NTM: variants seen among roughly 807,000 people sequenced by gnomAD.
NTM encodes the protein IgLON family member 2.
A neutral mutation model predicts 42.1 loss-of-function variants in NTM; 13 were observed. The observed-to-expected ratio is 0.31, with a 90% CI of 0.20 to 0.49. The LOEUF (loss-of-function observed/expected upper bound fraction) is 0.49. NTM is among the 20% of genes least tolerant of loss of function. NTM has a pLI of 0.99. For synonymous variants in NTM, 187 were observed against 179.2 expected, an observed-to-expected ratio of 1.04 and a Z score of -0.35; for missense variants, 373 against 452.8, an observed-to-expected ratio of 0.82 and a Z score of 1.60.
Position 131,710,084 on chromosome 11 carries a change from T to C in NTM, c.83-201480T>C, listed in dbSNP as rs373987435. The stretch of plus-strand genomic sequence containing the variant: ...CTTGACAAGAACAATGTGAGTGCAC[T>C]GGTGGGGTCAAAGAGGGGGTGGAGC... On this transcript the variant is annotated intron_variant, in intron 1 of 8. Transcript: ENST00000683400. Among the ~76,000 whole-genome samples the C allele has an allele frequency of 1.2e-4, 19 of 152,248 alleles. No individual in the cohort carries two copies. In the East Asian group the frequency reaches 2.5e-3, roughly 20 times the overall value.
chr11:131,976,510 G>T (rs1373591761), intron 2 of NTM, among the ~76,000 whole-genome samples: 1 of 151,914 alleles, frequency 6.6e-6, no homozygotes, highest in Non-Finnish European at 1.5e-5. Flanking sequence ...CCTTCCTTTT[G>T]TCTTTTTTAA....
chr11:132,134,598 T>C, intron 2 of NTM, among the ~76,000 whole-genome samples: 1 of 149,912 alleles, frequency 6.7e-6, no homozygotes, highest in Admixed American at 6.7e-5. Context: ...TGACATTTGG[T>C]TTTTCATTCC....
At chr11:131,812,509 T>C (rs1424655100) in intron 1 of NTM, among the ~76,000 whole-genome samples, 1 of 151,752 alleles carries the variant, frequency 6.6e-6, no homozygotes, top group African/African-American at 2.4e-5. Context: ...CTTTTTCCTT[T>C]CCTCCTCCAT....
chr11:132,296,935 G>C (rs1337176253), intron 4 of NTM, among the ~76,000 whole-genome samples: 1 of 152,190 alleles, frequency 6.6e-6, no homozygotes, highest in East Asian at 1.9e-4. Context: ...AATAGATTTT[G>C]AGAAATGTTT....
Position 131,834,096 on chromosome 11 carries a change from G to A in NTM, c.83-77468G>A, listed in dbSNP as rs116736638. Among the ~76,000 whole-genome samples the A allele has an allele frequency of 7.8e-3, 1,188 of 152,074 alleles. 17 individuals carry two copies. Among genetic ancestry groups the A allele is most frequent in the African/African-American group, 0.027 (1,106 of 41,474 alleles). On this transcript the variant is annotated intron_variant, in intron 1 of 8. Transcript: ENST00000683400. ...TCTTTATCCTGATATCTTCTCTTTC[G>A]TTTGTTCATTGGTTTCTGTTCATTT...
At chr11:131,740,783 G>T (rs1336157025) in intron 1 of NTM, among the ~76,000 whole-genome samples, 1 of 152,194 alleles carries the variant, frequency 6.6e-6, no homozygotes, top group African/African-American at 2.4e-5. Context: ...CCTGAATGTG[G>T]CAGCTGGAAC....
At chr11:131,644,897 C>A (rs1045510856) in intron 1 of NTM, among the ~76,000 whole-genome samples, 9 of 152,000 alleles carry the variant, frequency 5.9e-5, no homozygotes, top group Non-Finnish European at 1.2e-4. Flanking sequence ...GGAATTAGAA[C>A]CTCTTCATTT....
At chr11:132,175,252 G>A (rs2076634671) in intron 3 of NTM, among the ~76,000 whole-genome samples, 1 of 152,094 alleles carries the variant, frequency 6.6e-6, no homozygotes, top group Non-Finnish European at 1.5e-5. Context: ...TCTTCTCTCA[G>A]TTCTGCAGTG....
In NTM at chr11:132,335,243, C is replaced by G. The variant is rs1592113254; in HGVS notation, c.*97C>G. ...CCGACAGCAACCAATCAGATATATA[C>G]AAATGAAATTAGAAGAAACACAGCC... On this transcript the variant is annotated 3_prime_UTR_variant, in exon 9 of 9. Transcript: ENST00000683400. 7.6e-7 allele frequency: 1 copy of G among 1,311,680 alleles called. No individual in the cohort carries two copies. Among genetic ancestry groups the G allele is most frequent in the African/African-American group, 1.5e-5 (1 of 67,530 alleles). 81.3% of individuals were successfully genotyped at this position (1,311,680 alleles called of 1,614,324 possible). A position where few individuals can be genotyped will look rare whatever the true frequency, so the allele number is the denominator to read the frequency against.
intron 2 of NTM, among the ~76,000 whole-genome samples, chr11:131,975,831 C>G (rs950223910): frequency 2.0e-5 from 3 of 152,074 alleles, no homozygotes; most frequent in Non-Finnish European, 4.4e-5. Flanking sequence ...CTCTGGTCAT[C>G]AGGAAAGGGA....
chr11:132,278,360 G>C (rs1342018612), intron 4 of NTM, among the ~76,000 whole-genome samples: 1 of 152,216 alleles, frequency 6.6e-6, no homozygotes, highest in African/African-American at 2.4e-5. Flanking sequence ...CTGAAGGCTA[G>C]GGATGAGTTG....
intron 1 of NTM, among the ~76,000 whole-genome samples, chr11:131,775,594 G>A (rs1211389171): frequency 6.6e-6 from 1 of 152,098 alleles, no homozygotes; most frequent in African/African-American, 2.4e-5. Flanking sequence ...GTCATTTAGG[G>A]AACATCTCTT....
At chr11:132,021,821 G>A (rs904100287) in intron 2 of NTM, among the ~76,000 whole-genome samples, 2 of 152,098 alleles carry the variant, frequency 1.3e-5, no homozygotes, top group Admixed American at 6.5e-5. Context: ...TTCAAAGTGC[G>A]GACCATTTCC....
intron 1 of NTM, among the ~76,000 whole-genome samples, chr11:131,642,395 G>A (rs962577966): frequency 3.9e-5 from 6 of 152,214 alleles, no homozygotes; most frequent in African/African-American, 1.4e-4. Context: ...AGTGGGAGAA[G>A]CAACTTTGAA....
intron 2 of NTM, among the ~76,000 whole-genome samples, chr11:132,014,239 A>G (rs1054590515): frequency 6.6e-6 from 1 of 152,086 alleles, no homozygotes; most frequent in African/African-American, 2.4e-5. Context: ...GCTGAATAAT[A>G]TTCTATCTAT....
chr11:132,090,261 A>G (rs900822368), intron 2 of NTM, among the ~76,000 whole-genome samples: 6 of 152,188 alleles, frequency 3.9e-5, no homozygotes, highest in African/African-American at 1.4e-4. Flanking sequence ...AAGCACTTGC[A>G]AGTCACCTTC....
intron 1 of NTM, among the ~76,000 whole-genome samples, chr11:131,586,858 G>T (rs1185604241): frequency 6.6e-6 from 1 of 152,162 alleles, no homozygotes; most frequent in Non-Finnish European, 1.5e-5. Flanking sequence ...TCTTTGGAAA[G>T]AACAATCTAT....
intron 2 of NTM, among the ~76,000 whole-genome samples, chr11:132,055,323 T>C (rs1454919138): frequency 1.3e-5 from 2 of 152,132 alleles, no homozygotes; most frequent in Non-Finnish European, 1.5e-5. Flanking sequence ...GCCCTGAGCA[T>C]GGTGAGGCCG....
chr11:131,962,742 T>C (rs2062361509), intron 2 of NTM, among the ~76,000 whole-genome samples: 1 of 152,214 alleles, frequency 6.6e-6, no homozygotes, highest in African/African-American at 2.4e-5. Flanking sequence ...CTGTGGACCC[T>C]TGGGCTCAGC....
Sources: gnomAD v4.1 joint callset for allele counts (sites outside exome capture counted in the v4.1 genomes callset) on GRCh38, gnomAD v4.1.1 for gene constraint, MANE v1.5 for transcripts, NCBI Gene and HGNC (gene_info 2026-07-23, HGNC 2026-07-21) for gene names.